The following PRAMEF15 variants were observed in gnomAD, a reference collection of about 807,000 sequenced individuals.
The protein encoded by PRAMEF15 is PRAME family member 15.
In PRAMEF15, 21 loss-of-function variants were observed where a neutral mutation model predicts 35.3. The observed-to-expected ratio is 0.59, with a 90% CI of 0.42 to 0.86. PRAMEF15 has a LOEUF of 0.86. Among genes scored for constraint, PRAMEF15 ranks in the 40% least tolerant of loss-of-function variants. PRAMEF15 has a pLI of 0.00. For synonymous variants in PRAMEF15, 122 were observed against 223.3 expected (o/e 0.55, Z 4.05); for missense variants, 360 against 574.1 (o/e 0.63, Z 3.81).
Position 13,319,723 on chromosome 1 carries a change from T to C in PRAMEF15, c.645T>C (p.Asn215=), listed in dbSNP as rs1201861120. 1 of 1,591,676 alleles carries C rather than the reference T, an allele frequency of 6.3e-7. No homozygotes were observed. The highest frequency in any genetic ancestry group is 2.2e-5 in the East Asian group (1 of 44,806). The change falls in exon 3 of 4, where the codon AAT becomes AAC. Residue 215 remains asparagine, a synonymous_variant. Transcript: ENST00000376152. ...NLDCIQEVEV[N]CKWVLPILTQ... ...ACTGTATCCAGGAGGTGGAAGTGAATTGCAAGTGGGTACTGCCCATCCTGA... is the reference window on the plus strand; with the variant it reads ...ACTGTATCCAGGAGGTGGAAGTGAACTGCAAGTGGGTACTGCCCATCCTGA...
rs1193391857 is a variant in PRAMEF15, at chr1:13,316,466, G to A, written c.-17+808G>A. ...AATCAATCAAAAAGGATCTTTGACC[G>A]TAATTTTAAACCAATCACATCCTCT... is the stretch of plus-strand genomic sequence containing the variant. On this transcript the variant is annotated intron_variant, in intron 1 of 3. Coordinates refer to ENST00000376152, the MANE Select transcript of PRAMEF15 (RefSeq NM_001098376.3). 9.5e-4 allele frequency among the ~76,000 whole-genome samples: 142 copies of A among 150,186 alleles called. 3 individuals carry two copies. The highest frequency in any genetic ancestry group is 3.2e-3 in the African/African-American group (128 of 39,836).
Position 13,321,717 on chromosome 1 carries a change from C to T in PRAMEF15, c.890C>T (p.Ser297Leu), listed in dbSNP as rs1467451368. ...LDQLLSCLKTSLKVLTITNCV... is the reference protein window; with the variant it reads ...LDQLLSCLKTLLKVLTITNCV... ...TCTCTCCCCAGCTGTCTGAAGACCT[C>T]GTTAAAAGTCCTCACAATAACTAAC... Residue 297 changes from serine (S) to leucine (L), a missense_variant, in exon 4 of 4, where the codon TCG (serine) becomes TTG (leucine). This residue lies in a region of PRAMEF15 where 72 missense variants were observed against 79.9 expected (regional missense o/e 0.90). Coordinates refer to ENST00000376152, the MANE Select transcript of PRAMEF15 (RefSeq NM_001098376.3). 32 of 1,607,710 alleles carry T rather than the reference C, an allele frequency of 2.0e-5. No homozygotes were observed. The highest frequency in any genetic ancestry group is 8.8e-5 in the South Asian group (8 of 90,712).
At chr1:13,318,277 A>G (rs1640032541) in intron 1 of PRAMEF15, 115 bp from the exon 2 acceptor site, 2 of 1,566,034 alleles carry the variant, frequency 1.3e-6, no homozygotes, top group Non-Finnish European at 1.7e-6. Flanking sequence ...GAATTGGAGT[A>G]AACTGAGGAC....
Position 13,315,620 on chromosome 1 carries a change from C to G in PRAMEF15, c.-55C>G, listed in dbSNP as rs1639992402. 1 of 151,268 alleles carries G rather than the reference C, an allele frequency of 6.6e-6. No homozygotes were observed. The highest frequency in any genetic ancestry group is 6.6e-5 in the Admixed American group (1 of 15,206). The allele number at this position is 151,268 out of a possible 1,614,324, so 9.4% of individuals were successfully genotyped here. A position where few individuals can be genotyped will look rare whatever the true frequency, so the allele number is the denominator to read the frequency against. On this transcript the variant is annotated 5_prime_UTR_variant, in exon 1 of 4. Coordinates refer to ENST00000376152, the MANE Select transcript of PRAMEF15 (RefSeq NM_001098376.3). The stretch of plus-strand genomic sequence containing the variant: ...AGCCTGGAGTTCCTGCTTGGTTCTT[C>G]CTGAGGTCTGAGCACCTTCTAGACT...
At chr1:13,321,485 G>A (rs1204397905) in intron 3 of PRAMEF15, among the ~76,000 whole-genome samples, 1 of 151,812 alleles carries the variant, frequency 6.6e-6, no homozygotes, top group Non-Finnish European at 1.5e-5. Context: ...AAAGTGCTGG[G>A]ATTACAGGTG....
chr1:13,317,890 G>GAGAGAGGGAAAGAAGGAAAGAAGAA (rs1640027570), intron 1 of PRAMEF15, among the ~76,000 whole-genome samples: 1 of 150,700 alleles, frequency 6.6e-6, no homozygotes, highest in African/African-American at 2.5e-5. Context: ...AGAAGGGAGG[G>GAGAGAGGGAAAGAAGGAAAGAAGAA]AGAGAGGGAA....
At chr1:13,316,525 C>CT (rs1443644976) in intron 1 of PRAMEF15, among the ~76,000 whole-genome samples, 1 of 151,860 alleles carries the variant, frequency 6.6e-6, no homozygotes, top group African/African-American at 2.4e-5. Context: ...GTGGGGGGTG[C>CT]ATGCCTGTAG....
chr1:13,316,729 A>T lies in PRAMEF15; in HGVS notation c.-17+1071A>T, dbSNP rs1458265443. Among the ~76,000 whole-genome samples the T allele has an allele frequency of 9.9e-4, 150 of 151,984 alleles. 1 individual carries two copies. The highest frequency in any genetic ancestry group is 3.4e-3 in the African/African-American group (142 of 41,406). ...AGATTTCTATTGTGTTTTCTTAGGG[A>T]CTGTCATCTCTGTCTTTGAAAACTG... On this transcript the variant is annotated intron_variant, in intron 1 of 3. Coordinates refer to ENST00000376152, the MANE Select transcript of PRAMEF15 (RefSeq NM_001098376.3).
chr1:13,318,282 G>A (rs1205166572), intron 1 of PRAMEF15, 110 bp from the exon 2 acceptor site: 2 of 1,578,610 alleles, frequency 1.3e-6, no homozygotes, highest in Admixed American at 1.7e-5. Context: ...GGAGTAAACT[G>A]AGGACTCTTT....
At chr1:13,316,403 G>C (rs1485666240) in intron 1 of PRAMEF15, among the ~76,000 whole-genome samples, 136 of 151,628 alleles carry the variant, frequency 9.0e-4, no homozygotes, top group Non-Finnish European at 1.7e-3. Flanking sequence ...ACTCCAGCCT[G>C]GGCAAAAGAG....
In PRAMEF15 at chr1:13,322,048, C is replaced by G. The variant is rs1248543114; in HGVS notation, c.1221C>G (p.Leu407=). Residue 407 remains leucine (L), a synonymous_variant, in exon 4 of 4, where the codon CTC becomes CTG. Transcript: ENST00000376152. ...LENLLSHTII[L]KNLCVELYPA... ...ACCTGCTGAGCCACACAATCATACT[C>G]AAAAACTTATGTGTGGAGCTGTATC... 1,315 of 1,610,184 alleles carry G rather than the reference C, an allele frequency of 8.2e-4. 16 individuals carry two copies. Among genetic ancestry groups the G allele is most frequent in the Non-Finnish European group, 1.1e-3 (1,272 of 1,179,094 alleles).
chr1:13,321,991 T>C lies in PRAMEF15; in HGVS notation c.1164T>C (p.Cys388=). The change falls in exon 4 of 4, where the codon TGT becomes TGC. Residue 388 remains cysteine (C), a synonymous_variant. Coordinates refer to ENST00000376152, the MANE Select transcript of PRAMEF15 (RefSeq NM_001098376.3). ...RCFELNTFSF[C]GNPICMATLE... ...TTGAGCTCAACACCTTCAGCTTCTG[T>C]GGAAATCCCATCTGCATGGCCACCC... 4 of 1,610,694 alleles carry C rather than the reference T, an allele frequency of 2.5e-6. No homozygotes were observed. The highest frequency in any genetic ancestry group is 3.4e-6 in the Non-Finnish European group (4 of 1,179,400).
At chr1:13,321,306 C>G (rs1274399395) in intron 3 of PRAMEF15, among the ~76,000 whole-genome samples, 2 of 149,966 alleles carry the variant, frequency 1.3e-5, no homozygotes, top group Non-Finnish European at 3.0e-5. Context: ...CCTACACCTC[C>G]TGGGTTCAAG....
intron 3 of PRAMEF15, among the ~76,000 whole-genome samples, chr1:13,320,751 G>T (rs1431952543): frequency 0.019 from 2,744 of 144,142 alleles, 2 homozygotes; most frequent in East Asian, 0.089. Flanking sequence ...GAAGATGATG[G>T]GAAGTAGGGA....
chr1:13,320,567 G>A lies in PRAMEF15; in HGVS notation c.875+614G>A, dbSNP rs1418506243. ...GCCTCCTGAGTGCCTGGGATTACAG[G>A]CGTGAGCCACCACACCTGGCTAATT... On this transcript the variant is annotated intron_variant, in intron 3 of 3. Transcript: ENST00000376152. Among the ~76,000 whole-genome samples, 3 of 152,084 alleles carry A rather than the reference G, an allele frequency of 2.0e-5. No individual in the cohort carries two copies. The East Asian group carries it at 5.8e-4, about 29-fold the overall frequency.
chr1:13,316,202 C>G (rs1432142924), intron 1 of PRAMEF15, among the ~76,000 whole-genome samples: 3 of 151,780 alleles, frequency 2.0e-5, no homozygotes, highest in East Asian at 1.9e-4. Flanking sequence ...TGGGGTTTCA[C>G]CACGCTGGCC....
intron 1 of PRAMEF15, among the ~76,000 whole-genome samples, chr1:13,317,694 T>A (rs1364225374): frequency 2.0e-5 from 3 of 151,490 alleles, no homozygotes; most frequent in Non-Finnish European, 4.4e-5. Context: ...GAAGAATCCT[T>A]TGAGCTGGGA....
At chr1:13,317,020 C>G (rs1382898031) in intron 1 of PRAMEF15, among the ~76,000 whole-genome samples, 19 of 150,156 alleles carry the variant, frequency 1.3e-4, no homozygotes, top group African/African-American at 2.5e-4. Flanking sequence ...TTTAAGAAAG[C>G]CAAAAATCCA....
rs1640078798 is a variant in PRAMEF15, at chr1:13,321,176, T to G, written c.876-527T>G. ...TGTGAACTTGATCCATTCCTATAAATGATGGTGAAGTGACTCAGCCTCAAA... is the reference window on the plus strand; with the variant it reads ...TGTGAACTTGATCCATTCCTATAAAGGATGGTGAAGTGACTCAGCCTCAAA... On this transcript the variant is annotated intron_variant, in intron 3 of 3. Coordinates refer to ENST00000376152, the MANE Select transcript of PRAMEF15 (RefSeq NM_001098376.3). 1.3e-4 allele frequency among the ~76,000 whole-genome samples: 20 copies of G among 150,534 alleles called. No homozygotes were observed. The South Asian group carries it at 4.3e-3, about 32-fold the overall frequency.
Sources: allele counts gnomAD v4.1 joint callset (sites outside exome capture counted in the v4.1 genomes callset), GRCh38; gene constraint gnomAD v4.1.1; regional missense constraint gnomAD v4.1.1; transcripts MANE v1.5; gene names NCBI Gene and HGNC (gene_info 2026-07-23, HGNC 2026-07-21).